Variants in PAH observed in about 807,000 individuals in gnomAD.
The protein encoded by PAH is phenylalanine hydroxylase.
A neutral mutation model predicts 62.0 loss-of-function variants in PAH; 64 were observed. The observed-to-expected ratio is 1.03, with a 90% confidence interval of 0.84 to 1.27. PAH has a LOEUF of 1.27. PAH is among the 50% of genes most tolerant of loss of function. PAH has a pLI of 0.00. For missense variants in PAH, 579 were observed against 542.8 expected, an observed-to-expected ratio of 1.07 and a Z score of -0.66; for synonymous variants, 195 against 196.2, an observed-to-expected ratio of 0.99 and a Z score of 0.05.
Position 102,838,929 on chromosome 12 carries a change from A to G in PAH, c.*246T>C, listed in dbSNP as rs1874471312. ...ACAGATTACTGATTTAACTCAATTG[A>G]GAGTATGGGATTATCATCTCTAAAT... is the stretch of plus-strand genomic sequence containing the variant. On this transcript the variant is annotated 3_prime_UTR_variant, in exon 13 of 13. Transcript: ENST00000553106. 3.6e-6 allele frequency: 2 copies of G among 548,076 alleles called. No homozygotes were observed. The highest frequency in any genetic ancestry group is 3.8e-5 in the African/African-American group (2 of 52,916). 34.0% of individuals were successfully genotyped at this position (548,076 alleles called of 1,614,324 possible).
chr12:102,854,128 G>A (rs1003031699), intron 6 of PAH, among the ~76,000 whole-genome samples: 2 of 152,120 alleles, frequency 1.3e-5, no homozygotes, highest in African/African-American at 4.8e-5. Context: ...AGCACACTCT[G>A]CTTGGACCCT....
upstream of PAH, among the ~76,000 whole-genome samples, chr12:102,920,095 G>T (rs1878516022): frequency 6.6e-6 from 1 of 152,086 alleles, no homozygotes; most frequent in Non-Finnish European, 1.5e-5. Context: ...CTAAATCTAG[G>T]TTGAGAGGAA....
intron 3 of PAH, among the ~76,000 whole-genome samples, chr12:102,880,892 G>T (rs1261624082): frequency 1.3e-5 from 2 of 151,402 alleles, no homozygotes; most frequent in African/African-American, 4.9e-5. Flanking sequence ...CTTTATTGGG[G>T]TATAATTGAA....
intron 1 of PAH, among the ~76,000 whole-genome samples, chr12:102,913,464 C>A (rs905949647): frequency 2.6e-5 from 4 of 152,180 alleles, no homozygotes; most frequent in Non-Finnish European, 5.9e-5. Context: ...CTACTTTGGG[C>A]AAATCATTCA....
At chr12:102,842,585 G>C (rs1373976575) in intron 11 of PAH, among the ~76,000 whole-genome samples, 1 of 152,096 alleles carries the variant, frequency 6.6e-6, no homozygotes, top group Admixed American at 6.5e-5. Context: ...GCTGGCAAAA[G>C]GATAATTTTT....
chr12:102,859,876 G>T (rs1201941036), intron 5 of PAH, among the ~76,000 whole-genome samples: 4 of 152,174 alleles, frequency 2.6e-5, no homozygotes, highest in Non-Finnish European at 5.9e-5. Context: ...CATACTGAAT[G>T]GGCAAAAGCT....
intron 8 of PAH, 185 bp from the exon 9 acceptor site, chr12:102,847,136 G>A (rs1175715946): frequency 3.2e-6 from 2 of 633,972 alleles, no homozygotes; most frequent in South Asian, 1.8e-5. Flanking sequence ...CCAGGGTAGG[G>A]GGATCCTTCC....
chr12:102,897,869 A>G (rs1877578753), intron 2 of PAH, among the ~76,000 whole-genome samples: 1 of 152,204 alleles, frequency 6.6e-6, no homozygotes, highest in African/African-American at 2.4e-5. Context: ...ATGACTCAAG[A>G]GTTTTATTTA....
chr12:102,843,445 G>T (rs1486521409), intron 11 of PAH, among the ~76,000 whole-genome samples: 1 of 152,124 alleles, frequency 6.6e-6, no homozygotes, highest in Non-Finnish European at 1.5e-5. Context: ...CAGGTGGCAG[G>T]GGTGTGTGCA....
At chr12:102,930,963 A>G (rs1878848476) in intron 1 of PAH, among the ~76,000 whole-genome samples, 1 of 152,254 alleles carries the variant, frequency 6.6e-6, no homozygotes, top group East Asian at 1.9e-4. Flanking sequence ...ATCATGTTAT[A>G]GAAAAAATAA....
At chr12:102,863,208 A>C (rs1347163857) in intron 5 of PAH, among the ~76,000 whole-genome samples, 1 of 152,216 alleles carries the variant, frequency 6.6e-6, no homozygotes, top group Non-Finnish European at 1.5e-5. Context: ...ACCTAGTATT[A>C]GTACTGACAA....
intron 9 of PAH, among the ~76,000 whole-genome samples, chr12:102,845,399 G>C (rs962909331): frequency 1.3e-5 from 2 of 152,204 alleles, no homozygotes; most frequent in Non-Finnish European, 2.9e-5. Flanking sequence ...AGGCACAACA[G>C]TGGGAGGTAG....
At chr12:102,945,198 C>A (rs1879446186) in intron 1 of PAH, 2 of 152,472 alleles carry the variant, frequency 1.3e-5, no homozygotes, top group Admixed American at 1.3e-4. Context: ...TGGTCACCAC[C>A]ACTAGGACTT....
At chr12:102,952,181 G>A (rs763464397), upstream of PAH, among the ~76,000 whole-genome samples, 1 of 152,156 alleles carries the variant, frequency 6.6e-6, no homozygotes, top group South Asian at 2.1e-4. Context: ...TTGTGAAGGG[G>A]GGAGAGCTCT....
At chr12:102,875,021 A>G (rs909488249) in intron 4 of PAH, among the ~76,000 whole-genome samples, 1 of 152,130 alleles carries the variant, frequency 6.6e-6, no homozygotes, top group Admixed American at 6.6e-5. Context: ...GTCTGTTTGC[A>G]CTCACACACT....
chr12:102,905,576 C>A (rs1351465143), intron 2 of PAH, among the ~76,000 whole-genome samples: 1 of 152,064 alleles, frequency 6.6e-6, no homozygotes, highest in East Asian at 1.9e-4. Flanking sequence ...AGACCTAGGT[C>A]AATTTCTGAA....
At chr12:102,840,359 A>T in intron 12 of PAH, 41 bp downstream of exon 12, 1 of 1,163,012 alleles carries the variant, frequency 8.6e-7, no homozygotes, top group Non-Finnish European at 1.3e-6. Flanking sequence ...GTCTTCGATT[A>T]CTGAGAAACC....
At chr12:102,880,306 G>C (rs1382462676) in intron 3 of PAH, among the ~76,000 whole-genome samples, 2 of 152,130 alleles carry the variant, frequency 1.3e-5, no homozygotes, top group African/African-American at 4.8e-5. Context: ...GTTTGCATGG[G>C]CTTGAGAAAG....
chr12:102,875,195 T>C (rs1343315509), intron 4 of PAH, among the ~76,000 whole-genome samples: 1 of 152,188 alleles, frequency 6.6e-6, no homozygotes, highest in African/African-American at 2.4e-5. Context: ...ATTTTTACAA[T>C]AAAATTCATA....
Sources: gnomAD v4.1 joint callset for allele counts (sites outside exome capture counted in the v4.1 genomes callset) on GRCh38, gnomAD v4.1.1 for gene constraint, MANE v1.5 for transcripts, NCBI Gene and HGNC (gene_info 2026-07-23, HGNC 2026-07-21) for gene names.